PTGER3: variants seen among roughly 807,000 people sequenced by gnomAD.
PTGER3 encodes the protein prostaglandin E receptor 3.
PTGER3 carries 22 observed loss-of-function variants against 34.7 expected under a neutral mutation model. The observed-to-expected ratio is 0.63, with a 90% CI of 0.45 to 0.91. PTGER3 has a LOEUF of 0.91. Among genes scored for constraint, PTGER3 ranks in the 40% least tolerant of loss-of-function variants. PTGER3 has a pLI of 0.00. For synonymous variants in PTGER3, 241 were observed against 230.1 expected (o/e 1.05, Z -0.43); for missense variants, 468 against 519.4 (o/e 0.90, Z 0.96).
chr1:71,009,787 A>G (rs2100847005), intron 2 of PTGER3: 1 of 985,264 alleles, frequency 1.0e-6, no homozygotes, highest in East Asian at 1.1e-4. Flanking sequence ...AACTAAGTAT[A>G]CATGAGTGAA....
rs1645706009 is a variant in PTGER3 at position 70,852,632 on chromosome 1, G to T, written c.*251C>A. ...AAAACAATAGGACATAAGTTTAATTGATGTATGTAGATATAGTAAAAGTAC... is the reference window on the plus strand; with the variant it reads ...AAAACAATAGGACATAAGTTTAATTTATGTATGTAGATATAGTAAAAGTAC... On this transcript the variant is annotated 3_prime_UTR_variant, in exon 5 of 5. Transcript: ENST00000370931. The T allele has an allele frequency of 2.3e-5, 14 of 620,646 alleles. No individual in the cohort carries two copies. In the South Asian group the frequency reaches 2.8e-4, roughly 12 times the overall value. The allele number at this position is 620,646 out of a possible 1,614,324, so 38.4% of individuals were successfully genotyped here. A position where few individuals can be genotyped will look rare whatever the true frequency, so the allele number is the denominator to read the frequency against.
chr1:71,019,386 C>G (rs1373892816), intron 1 of PTGER3, among the ~76,000 whole-genome samples: 1 of 152,180 alleles, frequency 6.6e-6, no homozygotes, highest in Non-Finnish European at 1.5e-5. Context: ...GGAGCTGCAG[C>G]TGTTCTGTCA....
intron 4 of PTGER3, among the ~76,000 whole-genome samples, chr1:70,914,235 G>A (rs887024881): frequency 2.6e-5 from 4 of 151,832 alleles, no homozygotes; most frequent in African/African-American, 7.2e-5. Context: ...AGTTGTGTTT[G>A]TTGAATATTC....
downstream of PTGER3, among the ~76,000 whole-genome samples, chr1:70,949,700 G>A (rs370131862): frequency 6.6e-6 from 1 of 152,134 alleles, no homozygotes; most frequent in Non-Finnish European, 1.5e-5. Flanking sequence ...AGATACTGAC[G>A]CTGGCACAGG....
intron 2 of PTGER3, among the ~76,000 whole-genome samples, chr1:70,996,059 C>T (rs536322452): frequency 4.6e-5 from 7 of 152,222 alleles, no homozygotes; most frequent in Non-Finnish European, 8.8e-5. Flanking sequence ...CTTTAAATCC[C>T]CAAATCCCTT....
At chr1:70,955,886 A>G (rs917353303) in intron 2 of PTGER3, among the ~76,000 whole-genome samples, 2 of 152,148 alleles carry the variant, frequency 1.3e-5, no homozygotes, top group South Asian at 2.1e-4. Context: ...TTTTTGGACA[A>G]CTGTCCAGAT....
chr1:71,036,170 C>T (rs1417837321), intron 1 of PTGER3, among the ~76,000 whole-genome samples: 2 of 152,138 alleles, frequency 1.3e-5, no homozygotes, highest in Non-Finnish European at 2.9e-5. Flanking sequence ...AAGGAAAACC[C>T]ACACAACACT....
downstream of PTGER3, among the ~76,000 whole-genome samples, chr1:70,968,809 G>A (rs1324581215): frequency 1.2e-4 from 18 of 151,458 alleles, no homozygotes; most frequent in Non-Finnish European, 1.5e-5. Flanking sequence ...ATTTCTCATT[G>A]TATGAGAAGT....
chr1:71,047,424 C>G lies in PTGER3; in HGVS notation c.154G>C (p.Val52Leu). The G allele has an allele frequency of 6.2e-7, 1 of 1,611,616 alleles. No individual in the cohort carries two copies. Among genetic ancestry groups the G allele is most frequent in the Non-Finnish European group, 8.5e-7 (1 of 1,179,676 alleles). ...GSGEDCGSVS[V>L]AFPITMLLTG... ...AGCAGCATGGTGATCGGGAAGGCCA[C>G]GGACACCGATCCGCAATCCTCGCCA... is the stretch of plus-strand genomic sequence containing the variant. Residue 52 changes from valine (V) to leucine (L), a missense_variant, in exon 1 of 4, where the codon GTG (valine) becomes CTG (leucine). Around this residue, in one of 5 missense-constraint regions of PTGER3, gnomAD observed 151 missense variants for 133.5 expected, o/e 1.13. Coordinates refer to ENST00000306666, the MANE Select transcript of PTGER3 (RefSeq NM_198719.2).
At chr1:70,932,242 A>G (rs1221040000) in intron 4 of PTGER3, among the ~76,000 whole-genome samples, 3 of 151,984 alleles carry the variant, frequency 2.0e-5, no homozygotes, top group African/African-American at 4.8e-5. Flanking sequence ...TCATATCACT[A>G]TCAGCATTTT....
intron 4 of PTGER3, among the ~76,000 whole-genome samples, chr1:70,903,237 G>A (rs773698408): frequency 6.6e-6 from 1 of 152,164 alleles, no homozygotes; most frequent in Non-Finnish European, 1.5e-5. Flanking sequence ...GAAGGGATGT[G>A]ACCCCCACTG....
At chr1:70,858,220 G>A (rs79154032) in intron 4 of PTGER3, among the ~76,000 whole-genome samples, 34 of 125,782 alleles carry the variant, frequency 2.7e-4, no homozygotes, top group African/African-American at 9.8e-4. Flanking sequence ...TTTTTTTTTG[G>A]TACAACATAG....
intron 1 of PTGER3, among the ~76,000 whole-genome samples, chr1:71,042,023 T>C (rs1660359719): frequency 6.6e-6 from 1 of 152,094 alleles, no homozygotes; most frequent in South Asian, 2.1e-4. Flanking sequence ...ACTTTTATAA[T>C]TTAGTTGTTG....
At chr1:70,989,408 T>A (rs1486984647) in intron 2 of PTGER3, among the ~76,000 whole-genome samples, 1 of 152,202 alleles carries the variant, frequency 6.6e-6, no homozygotes, top group Non-Finnish European at 1.5e-5. Flanking sequence ...TTTTCTGGAA[T>A]AATTACCTTT....
At chr1:70,858,946 A>C (rs188441627) in intron 4 of PTGER3, among the ~76,000 whole-genome samples, 1 of 152,246 alleles carries the variant, frequency 6.6e-6, no homozygotes, top group Non-Finnish European at 1.5e-5. Context: ...TAATATTTGA[A>C]TAGACTTGCT....
intron 4 of PTGER3, among the ~76,000 whole-genome samples, chr1:70,930,898 A>T (rs1331442837): frequency 6.6e-6 from 1 of 152,072 alleles, no homozygotes; most frequent in Admixed American, 6.6e-5. Context: ...AAAACCAATC[A>T]TGCCTTCCCA....
chr1:71,036,208 G>T (rs572965980), intron 1 of PTGER3, among the ~76,000 whole-genome samples: 2 of 152,264 alleles, frequency 1.3e-5, no homozygotes, highest in East Asian at 3.9e-4. Flanking sequence ...GAGGTAGATG[G>T]TGCTTAAGGG....
chr1:71,041,805 C>T (rs561381051), intron 1 of PTGER3, among the ~76,000 whole-genome samples: 2 of 152,260 alleles, frequency 1.3e-5, no homozygotes, highest in East Asian at 3.9e-4. Flanking sequence ...TGGCAGGTTG[C>T]AAAAATGTTA....
At chr1:71,027,684 A>T (rs1659055290) in intron 1 of PTGER3, among the ~76,000 whole-genome samples, 1 of 152,122 alleles carries the variant, frequency 6.6e-6, no homozygotes, top group South Asian at 2.1e-4. Flanking sequence ...TTCAAGCCAC[A>T]AATCTGCAGC....
Sources: allele counts gnomAD v4.1 joint callset (sites outside exome capture counted in the v4.1 genomes callset), GRCh38; gene constraint gnomAD v4.1.1; regional missense constraint gnomAD v4.1.1; transcripts MANE v1.5; gene names NCBI Gene and HGNC (gene_info 2026-07-23, HGNC 2026-07-21).